The following PLXNA4 variants were observed in gnomAD, a reference collection of about 807,000 sequenced individuals.
The protein encoded by PLXNA4 is plexin-A4.
PLXNA4 carries 44 observed loss-of-function variants against 191.8 expected under a neutral mutation model. The observed-to-expected ratio is 0.23, with a 90% confidence interval of 0.18 to 0.29. The LOEUF (loss-of-function observed/expected upper bound fraction) is 0.29, where lower values mean the gene tolerates loss of function less well. Among genes scored for constraint, PLXNA4 ranks in the 10% least tolerant of loss-of-function variants. The probability of loss-of-function intolerance (pLI) is 1.00; values close to 1 mark genes in which losing one functional copy is unlikely to be tolerated. For synonymous variants in PLXNA4, 1,082 were observed against 1,009.5 expected, an observed-to-expected ratio of 1.07 and a Z score of -1.36; for missense variants, 1,800 against 2,488.8, an observed-to-expected ratio of 0.72 and a Z score of 5.89.
At chr7:132,273,301 A>C (rs1800145806) in intron 4 of PLXNA4, among the ~76,000 whole-genome samples, 1 of 151,870 alleles carries the variant, frequency 6.6e-6, no homozygotes, top group South Asian at 2.1e-4. Context: ...GAAACCCTTT[A>C]ATTCATGCCT....
intron 3 of PLXNA4, among the ~76,000 whole-genome samples, chr7:132,410,289 G>A (rs1168716774): frequency 3.3e-5 from 5 of 151,072 alleles, no homozygotes; most frequent in Non-Finnish European, 7.4e-5. Flanking sequence ...TAGAATCCCA[G>A]AAGCAGCACA....
chr7:132,230,185 G>T (rs975737638), intron 5 of PLXNA4, among the ~76,000 whole-genome samples: 2 of 152,156 alleles, frequency 1.3e-5, no homozygotes, highest in Admixed American at 6.5e-5. Flanking sequence ...TCATAACAAT[G>T]CTGCAACAAA....
chr7:132,145,038 G>A (rs1210896934), intron 29 of PLXNA4, 81 bp downstream of exon 29: 2 of 1,600,654 alleles, frequency 1.2e-6, no homozygotes, highest in East Asian at 2.2e-5. Context: ...TTCTCCTGGA[G>A]GCCCAGAGTC....
intron 2 of PLXNA4, among the ~76,000 whole-genome samples, chr7:132,491,611 A>G (rs1330540614): frequency 6.6e-6 from 1 of 150,670 alleles, no homozygotes; most frequent in Non-Finnish European, 1.5e-5. Flanking sequence ...CAGGCCAAAC[A>G]CAGCTCTCTC....
chr7:132,265,764 C>A (rs762639485), intron 4 of PLXNA4, among the ~76,000 whole-genome samples: 1 of 152,138 alleles, frequency 6.6e-6, no homozygotes, highest in Non-Finnish European at 1.5e-5. Flanking sequence ...GCACTATGAC[C>A]CTGCCAGCCA....
At chr7:132,317,849 C>T (rs1308187030) in intron 3 of PLXNA4, among the ~76,000 whole-genome samples, 2 of 152,138 alleles carry the variant, frequency 1.3e-5, no homozygotes, top group Non-Finnish European at 2.9e-5. Flanking sequence ...TCAGGTTACA[C>T]CTGGCCAGGC....
chr7:132,371,687 C>T (rs372202947), intron 3 of PLXNA4, among the ~76,000 whole-genome samples: 6 of 152,126 alleles, frequency 3.9e-5, no homozygotes, highest in East Asian at 1.9e-4. Context: ...TGTTCACAGC[C>T]GTCCTTGAAA....
upstream of PLXNA4, among the ~76,000 whole-genome samples, chr7:132,577,709 C>T (rs1458454389): frequency 6.6e-6 from 1 of 152,144 alleles, no homozygotes; most frequent in Non-Finnish European, 1.5e-5. Flanking sequence ...GCGCACGGCG[C>T]GCGCTCAGAG....
chr7:132,596,184 G>A (rs924992995), intron 2 of PLXNA4, among the ~76,000 whole-genome samples: 3 of 152,128 alleles, frequency 2.0e-5, no homozygotes, highest in South Asian at 2.1e-4. Context: ...TGTAAGTGTT[G>A]TATATTCTTG....
At chr7:132,609,272 T>G (rs1284046034) in intron 2 of PLXNA4, among the ~76,000 whole-genome samples, 4 of 152,168 alleles carry the variant, frequency 2.6e-5, no homozygotes, top group Non-Finnish European at 5.9e-5. Flanking sequence ...GGCCACTCAG[T>G]AATAGATGGT....
At chr7:132,189,468 A>C (rs911622831) in intron 14 of PLXNA4, among the ~76,000 whole-genome samples, 2 of 152,130 alleles carry the variant, frequency 1.3e-5, no homozygotes, top group African/African-American at 4.8e-5. Context: ...CAGGGTGTTA[A>C]TCTGGGGCCT....
chr7:132,132,483 C>CTAT (rs1563048449), intron 31 of PLXNA4, among the ~76,000 whole-genome samples: 1 of 80,786 alleles, frequency 1.2e-5, no homozygotes, highest in East Asian at 3.7e-4. Context: ...CTCTGCTCTG[C>CTAT]TCTGCTCTAT....
intron 4 of PLXNA4, among the ~76,000 whole-genome samples, chr7:132,261,726 A>G (rs529608511): frequency 6.6e-6 from 1 of 152,216 alleles, no homozygotes; most frequent in East Asian, 1.9e-4. Context: ...TAAAAGAAAC[A>G]GTTCCAGATG....
chr7:132,251,769 G>T (rs141916193), intron 4 of PLXNA4, among the ~76,000 whole-genome samples: 2 of 152,344 alleles, frequency 1.3e-5, no homozygotes, highest in African/African-American at 4.8e-5. Flanking sequence ...CCTATGGGGG[G>T]CAGAAGTGTT....
chr7:132,168,671 C>T (rs1342952976), intron 21 of PLXNA4, 99 bp from the exon 22 acceptor site: 2 of 1,442,360 alleles, frequency 1.4e-6, no homozygotes, highest in African/African-American at 2.8e-5. Flanking sequence ...CCCTCTCATC[C>T]ACCAATTAAG....
chr7:132,496,028 G>A (rs1412265348), intron 2 of PLXNA4, among the ~76,000 whole-genome samples: 7 of 152,238 alleles, frequency 4.6e-5, no homozygotes, highest in African/African-American at 1.7e-4. Context: ...TTCCCAGTGT[G>A]GGGATGGACA....
chr7:132,320,918 C>T (rs1007694189), intron 3 of PLXNA4, among the ~76,000 whole-genome samples: 8 of 152,134 alleles, frequency 5.3e-5, no homozygotes, highest in South Asian at 2.1e-4. Flanking sequence ...ACTGCTCCCG[C>T]GGCAGGGCTC....
chr7:132,385,090 G>T (rs962323074), intron 3 of PLXNA4: 1 of 1,550,468 alleles, frequency 6.4e-7, no homozygotes, highest in Non-Finnish European at 8.7e-7. Context: ...ATGTATGGCT[G>T]GGGTCACAGG....
intron 2 of PLXNA4, among the ~76,000 whole-genome samples, chr7:132,590,855 A>C (rs1802593323): frequency 6.6e-6 from 1 of 152,184 alleles, no homozygotes; most frequent in Admixed American, 6.5e-5. Context: ...CTGCTCAAGC[A>C]GTAAGACATT....
Sources: allele counts gnomAD v4.1 joint callset (sites outside exome capture counted in the v4.1 genomes callset), GRCh38; gene constraint gnomAD v4.1.1; transcripts MANE v1.5; gene names NCBI Gene and HGNC (gene_info 2026-07-23, HGNC 2026-07-21).